Variants in SETBP1 observed in about 807,000 individuals in gnomAD.
The protein encoded by SETBP1 is SET binding protein 1.
A neutral mutation model predicts 101.0 loss-of-function variants in SETBP1; 9 were observed. That is an observed-to-expected ratio of 0.09 (90% CI 0.05 to 0.16). The LOEUF (loss-of-function observed/expected upper bound fraction) is 0.16. SETBP1 is among the 10% of genes least tolerant of loss of function. SETBP1 has a pLI of 1.00. For missense variants in SETBP1, 1,858 were observed against 2,033.8 expected, an observed-to-expected ratio of 0.91 and a Z score of 1.66; for synonymous variants, 818 against 788.5, an observed-to-expected ratio of 1.04 and a Z score of -0.63.
chr18:44,976,073 TACACACACACAC>T (rs57458132), intron 4 of SETBP1, among the ~76,000 whole-genome samples: 220 of 143,680 alleles, frequency 1.5e-3, no homozygotes, highest in African/African-American at 5.2e-3. Context: ...TGGGGAGGGA[TACACACACACAC>T]ACACACACAC....
At position 44,766,899 on chromosome 18, in the gene SETBP1, A is replaced by T. The variant is rs904110988; in HGVS notation, c.486+65067A>T. 3.9e-5 allele frequency among the ~76,000 whole-genome samples: 6 copies of T among 152,198 alleles called. No individual in the cohort carries two copies. In the East Asian group the frequency reaches 1.2e-3, roughly 29 times the overall value. On this transcript the variant is annotated intron_variant, in intron 2 of 5. Transcript: ENST00000649279. Reference sequence around the variant, plus strand: ...AATGAAATGGTAATAATCTCTAAAAACTTATATCTTTGAGTATGGATCTAT... The same window carrying T: ...AATGAAATGGTAATAATCTCTAAAATCTTATATCTTTGAGTATGGATCTAT...
chr18:44,783,462 G>A (rs924578964), intron 2 of SETBP1, among the ~76,000 whole-genome samples: 10 of 152,256 alleles, frequency 6.6e-5, no homozygotes, highest in Middle Eastern at 3.4e-3. Context: ...TCAAGTGTCC[G>A]TGGAGCTCCT....
At chr18:44,841,888 G>GTTATGGTAA (rs1230388088) in intron 2 of SETBP1, among the ~76,000 whole-genome samples, 8 of 152,154 alleles carry the variant, frequency 5.3e-5, no homozygotes, top group Non-Finnish European at 1.2e-4. Flanking sequence ...AACTGCAGCA[G>GTTATGGTAA]CACATCATAT....
intron 2 of SETBP1, among the ~76,000 whole-genome samples, chr18:44,854,340 C>T (rs2072930946): frequency 6.6e-6 from 1 of 152,204 alleles, no homozygotes; most frequent in Non-Finnish European, 1.5e-5. Flanking sequence ...GGGATTTACT[C>T]AGGTACATCT....
At chr18:44,707,158 C>A (rs1054179561) in intron 2 of SETBP1, among the ~76,000 whole-genome samples, 2 of 152,160 alleles carry the variant, frequency 1.3e-5, no homozygotes, top group Non-Finnish European at 2.9e-5. Flanking sequence ...CTATTAGACT[C>A]CAAGCAAATG....
At chr18:44,741,022 G>T (rs2070085852) in intron 2 of SETBP1, among the ~76,000 whole-genome samples, 1 of 152,192 alleles carries the variant, frequency 6.6e-6, no homozygotes, top group African/African-American at 2.4e-5. Flanking sequence ...AACTAAAAGT[G>T]ACTTTATAAT....
At chr18:44,955,776 A>G (rs1236865550) in intron 4 of SETBP1, among the ~76,000 whole-genome samples, 2 of 152,070 alleles carry the variant, frequency 1.3e-5, no homozygotes, top group African/African-American at 2.4e-5. Flanking sequence ...GTGCTCCTCT[A>G]TGTCACCTCT....
At chr18:44,857,161 C>T (rs1318160826) in intron 2 of SETBP1, among the ~76,000 whole-genome samples, 1 of 152,136 alleles carries the variant, frequency 6.6e-6, no homozygotes, top group African/African-American at 2.4e-5. Flanking sequence ...AACATGAAAC[C>T]TCTTCTTCTA....
chr18:44,815,670 G>A (rs2071959957), intron 2 of SETBP1, among the ~76,000 whole-genome samples: 1 of 152,210 alleles, frequency 6.6e-6, no homozygotes, highest in African/African-American at 2.4e-5. Context: ...TTAACAGTGA[G>A]GCTGCAGCCA....
At chr18:45,043,710 A>AC (rs2073556540) in intron 5 of SETBP1, among the ~76,000 whole-genome samples, 1 of 152,230 alleles carries the variant, frequency 6.6e-6, no homozygotes, top group Non-Finnish European at 1.5e-5. Flanking sequence ...AATGTTAGGG[A>AC]AATCATTTTG....
chr18:45,035,293 CT>C (rs1450643719), intron 4 of SETBP1, among the ~76,000 whole-genome samples: 4 of 152,014 alleles, frequency 2.6e-5, no homozygotes, highest in Non-Finnish European at 5.9e-5. Context: ...TTTTCTTTTT[CT>C]TTTTTAATTT....
chr18:44,804,901 A>G (rs1172530782), intron 2 of SETBP1, among the ~76,000 whole-genome samples: 1 of 151,636 alleles, frequency 6.6e-6, no homozygotes, highest in Admixed American at 6.6e-5. Context: ...AAAGGCTTCC[A>G]CTCCTCCAGG....
intron 2 of SETBP1, among the ~76,000 whole-genome samples, chr18:44,839,405 G>A (rs1599202052): frequency 6.6e-6 from 1 of 151,288 alleles, no homozygotes; most frequent in African/African-American, 2.4e-5. Context: ...AAACCTGGGT[G>A]TTGCTGCTGC....
At chr18:44,732,084 G>C (rs2069849355) in intron 2 of SETBP1, among the ~76,000 whole-genome samples, 1 of 152,136 alleles carries the variant, frequency 6.6e-6, no homozygotes, top group African/African-American at 2.4e-5. Flanking sequence ...AGTTCTATTT[G>C]ATGAGCAATG....
intron 3 of SETBP1, among the ~76,000 whole-genome samples, chr18:44,948,499 TGATA>T (rs11437850): frequency 0.013 from 1,951 of 149,846 alleles, 17 homozygotes; most frequent in South Asian, 0.03. Flanking sequence ...CAAAGATAGA[TGATA>T]GATAGATAGA....
intron 3 of SETBP1, among the ~76,000 whole-genome samples, chr18:44,894,039 G>A (rs2069834171): frequency 6.6e-6 from 1 of 152,118 alleles, no homozygotes; most frequent in Non-Finnish European, 1.5e-5. Flanking sequence ...TTGCAACTAA[G>A]CAGAAAGTTC....
intron 3 of SETBP1, among the ~76,000 whole-genome samples, chr18:44,947,654 G>A (rs11877170): frequency 0.24 from 35,803 of 151,898 alleles, 4,528 homozygotes; most frequent in East Asian, 0.54. Context: ...TTACAGGCAT[G>A]CACCACCAAG....
intron 2 of SETBP1, among the ~76,000 whole-genome samples, chr18:44,749,902 G>A (rs1739964057): frequency 6.6e-6 from 1 of 152,190 alleles, no homozygotes; most frequent in African/African-American, 2.4e-5. Flanking sequence ...CATCCAATGA[G>A]TGGTACTGAC....
At chr18:44,975,676 G>T (rs1182656415) in intron 4 of SETBP1, among the ~76,000 whole-genome samples, 1 of 152,050 alleles carries the variant, frequency 6.6e-6, no homozygotes, top group Non-Finnish European at 1.5e-5. Context: ...ACATAACTTC[G>T]CATAGCTTTC....
Sources: allele counts gnomAD v4.1 joint callset (sites outside exome capture counted in the v4.1 genomes callset), GRCh38; gene constraint gnomAD v4.1.1; transcripts MANE v1.5; gene names NCBI Gene and HGNC (gene_info 2026-07-23, HGNC 2026-07-21).